AHCYL2: variants seen among roughly 807,000 people sequenced by gnomAD.
AHCYL2 encodes the protein S-adenosylhomocysteine hydrolase-like protein 2.
Under a neutral mutation model 81.4 loss-of-function variants are expected in AHCYL2, and 28 were observed. The observed-to-expected ratio is 0.34, with a 90% CI of 0.25 to 0.47. The LOEUF (loss-of-function observed/expected upper bound fraction) is 0.47, where lower values mean the gene tolerates loss of function less well. Among genes scored for constraint, AHCYL2 ranks in the 20% least tolerant of loss-of-function variants. AHCYL2 has a pLI of 1.00. For synonymous variants in AHCYL2, 272 were observed against 290.2 expected (o/e 0.94, Z 0.64); for missense variants, 551 against 785.1 (o/e 0.70, Z 3.56).
intron 1 of AHCYL2, among the ~76,000 whole-genome samples, chr7:129,226,612 T>G (rs113767559): frequency 1.1e-3 from 162 of 152,338 alleles, no homozygotes; most frequent in Middle Eastern, 3.4e-3. Context: ...CCACCATAAC[T>G]TTTTGTTGTC....
chr7:129,350,742 G>A (rs1416583709), intron 1 of AHCYL2, among the ~76,000 whole-genome samples: 1 of 138,862 alleles, frequency 7.2e-6, no homozygotes, highest in Non-Finnish European at 1.5e-5. Flanking sequence ...ATCTTTTAGG[G>A]ATGGAGTTTT....
At chr7:129,396,163 C>G (rs1340748762) in intron 4 of AHCYL2, among the ~76,000 whole-genome samples, 1 of 152,194 alleles carries the variant, frequency 6.6e-6, no homozygotes. Context: ...TGCTCTGTTG[C>G]CCAGGCTGGA....
rs1324408914 is a variant in AHCYL2, at chr7:129,406,346, T to A, written c.1207-32T>A. 1 of 1,601,520 alleles carries A rather than the reference T, an allele frequency of 6.2e-7. No individual in the cohort carries two copies. The highest frequency in any genetic ancestry group is 1.7e-5 in the Admixed American group (1 of 59,848). ...TGAGAAATGGTTTTCTCAGTGACTT[T>A]CCTTAATATGTGTGCTCTCTCCCCT... On this transcript the variant is annotated intron_variant, in intron 9 of 16. Transcript: ENST00000325006. The surrounding 1 kb of genome is among the most constrained non-coding windows in gnomAD (Gnocchi z 4.3).
intron 12 of AHCYL2, among the ~76,000 whole-genome samples, chr7:129,421,285 C>T (rs1797107451): frequency 6.6e-6 from 1 of 151,620 alleles, no homozygotes; most frequent in Non-Finnish European, 1.5e-5. Context: ...ATGGTTTTCA[C>T]GTTAACACAT....
chr7:129,370,558 C>T (rs189110238), intron 1 of AHCYL2, among the ~76,000 whole-genome samples: 67 of 152,162 alleles, frequency 4.4e-4, no homozygotes, highest in East Asian at 1.4e-3. Flanking sequence ...ATTAGCCGGG[C>T]GTGGTGGCGG....
chr7:129,248,061 G>A (rs1258530457), intron 1 of AHCYL2, among the ~76,000 whole-genome samples: 2 of 152,066 alleles, frequency 1.3e-5, no homozygotes, highest in East Asian at 1.9e-4. Flanking sequence ...CCCTTCATAT[G>A]GATATCCACT....
At chr7:129,307,700 G>T (rs1009268688) in intron 1 of AHCYL2, among the ~76,000 whole-genome samples, 7 of 151,614 alleles carry the variant, frequency 4.6e-5, no homozygotes, top group African/African-American at 1.7e-4. Context: ...CAACACAGTC[G>T]TGAATTTGCT....
chr7:129,340,005 G>A (rs1255535830), intron 1 of AHCYL2, among the ~76,000 whole-genome samples: 1 of 132,034 alleles, frequency 7.6e-6, no homozygotes, highest in African/African-American at 2.8e-5. Context: ...TGCAAGCTCC[G>A]CCTCCCGGGT....
At chr7:129,314,417 G>A (rs1797764278) in intron 1 of AHCYL2, among the ~76,000 whole-genome samples, 1 of 152,110 alleles carries the variant, frequency 6.6e-6, no homozygotes. Flanking sequence ...AGCCCATTCA[G>A]GCTGTATACA....
intron 1 of AHCYL2, among the ~76,000 whole-genome samples, chr7:129,239,819 C>G (rs907463303): frequency 1.3e-5 from 2 of 151,806 alleles, no homozygotes; most frequent in Non-Finnish European, 2.9e-5. Context: ...CACAGACTCC[C>G]TACACACAGA....
intron 1 of AHCYL2, among the ~76,000 whole-genome samples, chr7:129,364,625 T>A (rs1304619330): frequency 6.6e-6 from 1 of 152,028 alleles, no homozygotes; most frequent in Non-Finnish European, 1.5e-5. Context: ...TTATTATTGT[T>A]ACCACACTAG....
chr7:129,425,451 G>A (rs1797320656), intron 15 of AHCYL2, among the ~76,000 whole-genome samples: 1 of 151,760 alleles, frequency 6.6e-6, no homozygotes, highest in African/African-American at 2.4e-5. Context: ...TCCCTTAAAA[G>A]AGAAGAATCA....
In AHCYL2 at chr7:129,429,961, G is replaced by A. The variant is rs1797515059; in HGVS notation, c.*2916G>A. The A allele has an allele frequency of 6.6e-6, 1 of 151,932 alleles. No individual in the cohort carries two copies. Among genetic ancestry groups the A allele is most frequent in the Non-Finnish European group, 1.5e-5 (1 of 67,924 alleles). The allele number at this position is 151,932 out of a possible 1,614,324, so 9.4% of individuals were successfully genotyped here. A position where few individuals can be genotyped will look rare whatever the true frequency, so the allele number is the denominator to read the frequency against. On this transcript the variant is annotated 3_prime_UTR_variant, in exon 17 of 17. Coordinates refer to ENST00000325006, the MANE Select transcript of AHCYL2 (RefSeq NM_015328.4). ...GCTTTTTCAATAAAGGAAAATTACG[G>A]AAGGAAAATAGGCAACACCAGCAAA...
intron 15 of AHCYL2, among the ~76,000 whole-genome samples, chr7:129,425,511 G>A (rs1797323513): frequency 6.6e-6 from 1 of 152,002 alleles, no homozygotes; most frequent in Non-Finnish European, 1.5e-5. Flanking sequence ...CTGCCAAATA[G>A]CCCCTACCAA....
chr7:129,265,170 A>G (rs1242774825), intron 1 of AHCYL2, among the ~76,000 whole-genome samples: 1 of 152,142 alleles, frequency 6.6e-6, no homozygotes, highest in Non-Finnish European at 1.5e-5. Flanking sequence ...TTTTCTCTCC[A>G]TTGTTCTTAG....
intron 1 of AHCYL2, among the ~76,000 whole-genome samples, chr7:129,321,680 G>A (rs1028500189): frequency 1.3e-5 from 2 of 149,826 alleles, no homozygotes; most frequent in Non-Finnish European, 3.0e-5. Flanking sequence ...TGTAGGATGG[G>A]TTAGAAAGTA....
chr7:129,360,375 C>CA (rs1423290034), intron 1 of AHCYL2, among the ~76,000 whole-genome samples: 1 of 152,232 alleles, frequency 6.6e-6, no homozygotes. Flanking sequence ...CTCAGCCTCC[C>CA]AAGGTGCTGG....
At chr7:129,371,395 C>A (rs914858188) in intron 1 of AHCYL2, among the ~76,000 whole-genome samples, 1 of 152,218 alleles carries the variant, frequency 6.6e-6, no homozygotes, top group East Asian at 1.9e-4. Flanking sequence ...GTACTCACAT[C>A]TCTGATTTCC....
chr7:129,381,151 A>G (rs539607437), intron 2 of AHCYL2, among the ~76,000 whole-genome samples: 2 of 152,322 alleles, frequency 1.3e-5, no homozygotes, highest in East Asian at 3.9e-4. Context: ...ATAGTTTGTA[A>G]CATTTCAAGC....
Sources: allele counts gnomAD v4.1 joint callset (sites outside exome capture counted in the v4.1 genomes callset), GRCh38; gene constraint gnomAD v4.1.1; non-coding constraint Gnocchi (gnomAD v3.1); transcripts MANE v1.5; gene names NCBI Gene and HGNC (gene_info 2026-07-23, HGNC 2026-07-21).